Variants in MYL1 observed in about 807,000 individuals in gnomAD.
MYL1 encodes myosin light chain 1/3, skeletal muscle isoform.
A neutral mutation model predicts 21.8 loss-of-function variants in MYL1; 16 were observed. That is an observed-to-expected ratio of 0.74 (90% CI 0.50 to 1.12). The LOEUF is 1.12. MYL1 is among the 50% of genes most tolerant of loss of function. The pLI, the probability that MYL1 is intolerant of heterozygous loss-of-function variation, is 0.00. For synonymous variants in MYL1, 99 were observed against 85.2 expected, an observed-to-expected ratio of 1.16 and a Z score of -0.89; for missense variants, 246 against 241.0, an observed-to-expected ratio of 1.02 and a Z score of -0.14.
rs1194750764 is a variant in MYL1, at chr2:210,303,065, C to A, written c.133-550G>T. Reference sequence around the variant, plus strand: ...AATCTATAGTATATTTAAGATATGTCTAATAAGATACACGGTGTTAAAGTA... The same window carrying A: ...AATCTATAGTATATTTAAGATATGTATAATAAGATACACGGTGTTAAAGTA... On this transcript the variant is annotated intron_variant, in intron 1 of 6. Coordinates refer to ENST00000352451, the MANE Select transcript of MYL1 (RefSeq NM_079420.3). The A allele has an allele frequency of 6.3e-6, 3 of 472,794 alleles. No individual in the cohort carries two copies. In the Admixed American group the frequency reaches 1.1e-4, roughly 18 times the overall value. 29.3% of individuals were successfully genotyped at this position (472,794 alleles called of 1,614,324 possible). A position where few individuals can be genotyped will look rare whatever the true frequency, so the allele number is the denominator to read the frequency against.
chr2:210,290,299 G>A lies in MYL1; in HGVS notation c.*183C>T, dbSNP rs1690055028. On this transcript the variant is annotated 3_prime_UTR_variant, in exon 7 of 7. Coordinates refer to ENST00000352451, the MANE Select transcript of MYL1 (RefSeq NM_079420.3). ...AGCAGACACTTTGTTTGTGTGGTATGAATTCAATTCAGAGAAAAACTGAAG... is the reference window on the plus strand; with the variant it reads ...AGCAGACACTTTGTTTGTGTGGTATAAATTCAATTCAGAGAAAAACTGAAG... The A allele has an allele frequency of 1.3e-5, 2 of 152,104 alleles. No individual in the cohort carries two copies. Among genetic ancestry groups the A allele is most frequent in the Non-Finnish European group, 2.9e-5 (2 of 68,006 alleles). The allele number at this position is 152,104 out of a possible 1,614,324, so 9.4% of individuals were successfully genotyped here. A position where few individuals can be genotyped will look rare whatever the true frequency, so the allele number is the denominator to read the frequency against.
intron 2 of MYL1, among the ~76,000 whole-genome samples, chr2:210,302,048 C>T (rs1278760576): frequency 6.6e-6 from 1 of 151,980 alleles, no homozygotes. Flanking sequence ...CTATGTTATC[C>T]ATTGAAATGA....
chr2:210,297,327 T>G (rs1394162948), intron 3 of MYL1, among the ~76,000 whole-genome samples: 1 of 152,076 alleles, frequency 6.6e-6, no homozygotes, highest in Non-Finnish European at 1.5e-5. Context: ...CCACAGCATT[T>G]ATTTTTTGTC....
chr2:210,297,333 T>C (rs1690189352), intron 3 of MYL1, among the ~76,000 whole-genome samples: 2 of 152,074 alleles, frequency 1.3e-5, no homozygotes, highest in South Asian at 2.1e-4. Context: ...CATTTATTTT[T>C]TGTCTTTTTA....
intron 3 of MYL1, among the ~76,000 whole-genome samples, chr2:210,296,557 G>A (rs1472026219): frequency 1.3e-5 from 2 of 152,078 alleles, no homozygotes; most frequent in Non-Finnish European, 2.9e-5. Flanking sequence ...AGGCCGAGGC[G>A]GGCAGATGCT....
intron 1 of MYL1, among the ~76,000 whole-genome samples, chr2:210,309,346 C>T (rs1347432722): frequency 3.9e-5 from 6 of 151,934 alleles, no homozygotes; most frequent in East Asian, 1.9e-4. Flanking sequence ...ACATATGCCA[C>T]GGGGCATTTA....
chr2:210,296,272 CTT>C (rs1690173426), intron 3 of MYL1, among the ~76,000 whole-genome samples: 1 of 152,076 alleles, frequency 6.6e-6, no homozygotes, highest in Admixed American at 6.5e-5. Context: ...ATCTCAAACA[CTT>C]ATCATTTCTT....
At chr2:210,294,443 G>T (rs778944476) in intron 3 of MYL1, 25 bp from the exon 4 acceptor site, 1 of 1,604,166 alleles carries the variant, frequency 6.2e-7, no homozygotes, top group East Asian at 2.2e-5. Context: ...AATTTTGAGG[G>T]TTATTAGCTA....
chr2:210,292,472 C>T (rs894987786), intron 5 of MYL1, among the ~76,000 whole-genome samples: 4 of 152,080 alleles, frequency 2.6e-5, no homozygotes, highest in Admixed American at 6.5e-5. Flanking sequence ...CATGTACTTG[C>T]TAATTTTCTA....
Position 210,291,035 on chromosome 2 carries a change from G to A in MYL1, c.*11C>T. 6.2e-7 allele frequency: 1 copy of A among 1,603,656 alleles called. No individual in the cohort carries two copies. Among genetic ancestry groups the A allele is most frequent in the South Asian group, 1.1e-5 (1 of 90,262 alleles). ...TAAAGAGGGAACTGGTATATACCTTGAGAGCTCCATTCAGATAGACATGAT... is the reference window on the plus strand; with the variant it reads ...TAAAGAGGGAACTGGTATATACCTTAAGAGCTCCATTCAGATAGACATGAT... On this transcript the variant is annotated 3_prime_UTR_variant, in exon 6 of 7. Coordinates refer to ENST00000352451, the MANE Select transcript of MYL1 (RefSeq NM_079420.3).
rs191425450 is a variant in MYL1 at position 210,305,826 on chromosome 2, C to T, written c.133-3311G>A. ...CTGTAATCCTAGCACTTTGGGAGGC[C>T]GAGGCGGGCGGATCACCTGAGGTTG... On this transcript the variant is annotated intron_variant, in intron 1 of 6. Coordinates refer to ENST00000352451, the MANE Select transcript of MYL1 (RefSeq NM_079420.3). Among the ~76,000 whole-genome samples, 73 of 151,754 alleles carry T rather than the reference C, an allele frequency of 4.8e-4. 1 individual carries two copies. The South Asian group carries it at 5.0e-3, about 10-fold the overall frequency.
chr2:210,299,158 G>T (rs953948750), intron 2 of MYL1, among the ~76,000 whole-genome samples: 1 of 152,126 alleles, frequency 6.6e-6, no homozygotes, highest in African/African-American at 2.4e-5. Flanking sequence ...TAGGCTCCTC[G>T]TATAATCAGT....
intron 1 of MYL1, among the ~76,000 whole-genome samples, chr2:210,314,112 G>A (rs1390689486): frequency 3.9e-5 from 6 of 152,082 alleles, no homozygotes; most frequent in African/African-American, 1.4e-4. Flanking sequence ...TGGCAATTGA[G>A]AACTTTGATC....
intron 3 of MYL1, 81 bp downstream of exon 3, chr2:210,298,332 CACATACT>C (rs370455881): frequency 2.2e-6 from 3 of 1,342,150 alleles, no homozygotes; most frequent in East Asian, 2.6e-5. Flanking sequence ...TACACACACA[CACATACT>C]ACACACACAC....
intron 1 of MYL1, 195 bp from the exon 2 acceptor site, chr2:210,302,710 T>C (rs574727943): frequency 6.5e-7 from 1 of 1,548,980 alleles, no homozygotes; most frequent in Non-Finnish European, 8.7e-7. Context: ...TAAGTAATAT[T>C]GCAGAAACTA....
At chr2:210,314,881 A>G (rs943685157) in intron 1 of MYL1, 30 bp downstream of exon 1, 3 of 1,612,458 alleles carry the variant, frequency 1.9e-6, no homozygotes, top group East Asian at 2.2e-5. Flanking sequence ...AAGATGTTTC[A>G]GTGACCAAAC....
Position 210,315,032 on chromosome 2 carries a change from T to C in MYL1, c.11A>G (p.Lys4Arg). Reference protein sequence around the residue: MAPKKDVKKPVAAA... With the variant: MAPRKDVKKPVAAA... Reference sequence around the variant, plus strand: ...AGCCACAGGTTTCTTCACGTCTTTCTTTGGTGCCATTTTTTTTTTTAAAAG... The same window carrying C: ...AGCCACAGGTTTCTTCACGTCTTTCCTTGGTGCCATTTTTTTTTTTAAAAG... Residue 4 changes from lysine (K) to arginine (R), a missense_variant, in exon 1 of 7, where the codon AAG (lysine) becomes AGG (arginine). Lys to Arg is a conservative substitution (Grantham distance 26). Coordinates refer to ENST00000352451, the MANE Select transcript of MYL1 (RefSeq NM_079420.3). 6.3e-7 allele frequency: 1 copy of C among 1,592,262 alleles called. No individual in the cohort carries two copies. The highest frequency in any genetic ancestry group is 8.5e-7 in the Non-Finnish European group (1 of 1,174,448).
Position 210,314,824 on chromosome 2 carries a change from A to G in MYL1, c.132+87T>C, listed in dbSNP as rs192347502. On this transcript the variant is annotated intron_variant, in intron 1 of 6. Transcript: ENST00000352451. Reference sequence around the variant, plus strand: ...TCACTAAATAATGCTATTCCTCTCAATGAAAAATACACGCCTTTGCAAGTT... The same window carrying G: ...TCACTAAATAATGCTATTCCTCTCAGTGAAAAATACACGCCTTTGCAAGTT... 8.8e-4 allele frequency: 1,265 copies of G among 1,441,464 alleles called. 1 individual carries two copies. The highest frequency in any genetic ancestry group is 1.1e-3 in the Non-Finnish European group (1,189 of 1,035,150). The allele number at this position is 1,441,464 out of a possible 1,614,324, so 89.3% of individuals were successfully genotyped here.
At chr2:210,305,561 A>T (rs770314531) in intron 1 of MYL1, among the ~76,000 whole-genome samples, 5 of 152,126 alleles carry the variant, frequency 3.3e-5, no homozygotes, top group Non-Finnish European at 7.4e-5. Context: ...AATTTGAATC[A>T]TCTTATGATT....
Sources: allele counts gnomAD v4.1 joint callset (sites outside exome capture counted in the v4.1 genomes callset), GRCh38; gene constraint gnomAD v4.1.1; transcripts MANE v1.5; gene names NCBI Gene and HGNC (gene_info 2026-07-23, HGNC 2026-07-21).